The following PTPRD variants were observed in gnomAD, a reference collection of about 807,000 sequenced individuals.
PTPRD encodes protein tyrosine phosphatase receptor type D.
In PTPRD, 34 loss-of-function variants were observed where a neutral mutation model predicts 214.5. The ratio of observed to expected loss-of-function variants is 0.16; its 90% CI spans 0.12 to 0.21. PTPRD has a LOEUF of 0.21. Ranked by LOEUF, PTPRD falls within the 10% of genes least tolerant of loss-of-function variation. The pLI is 1.00. For missense variants in PTPRD, 2,545 were observed against 2,398.7 expected (o/e 1.06, Z -1.27); for synonymous variants, 1,128 against 845.7 (o/e 1.33, Z -5.79).
intron 11 of PTPRD, among the ~76,000 whole-genome samples, chr9:8,796,179 A>G (rs1332732378): frequency 6.6e-6 from 1 of 152,214 alleles, no homozygotes. Context: ...CTGCATGTTT[A>G]AAAACATATA....
At chr9:9,441,390 G>C (rs1438962040) in intron 8 of PTPRD, among the ~76,000 whole-genome samples, 2 of 152,136 alleles carry the variant, frequency 1.3e-5, no homozygotes, top group African/African-American at 4.8e-5. Context: ...TAAACTGCTA[G>C]ACAAAAGAAA....
rs556741132 is a variant in PTPRD, at chr9:9,858,191, A to C, written c.-368+80316T>G. On this transcript the variant is annotated intron_variant, in intron 5 of 45. Coordinates refer to ENST00000381196, the MANE Select transcript of PTPRD (RefSeq NM_002839.4). ...ATGATAAATCTTTTTCATCATTAAA[A>C]TACGGATTATTTCATGATGCTCTGG... Among the ~76,000 whole-genome samples the C allele has an allele frequency of 1.4e-4, 21 of 152,348 alleles. No homozygotes were observed. The South Asian group carries it at 4.1e-3, about 30-fold the overall frequency.
chr9:8,719,509 G>C (rs1170940933), intron 12 of PTPRD, among the ~76,000 whole-genome samples: 1 of 152,222 alleles, frequency 6.6e-6, no homozygotes, highest in African/African-American at 2.4e-5. Flanking sequence ...ACTTTCTCCT[G>C]TCTGATGAGG....
intron 27 of PTPRD, among the ~76,000 whole-genome samples, chr9:8,490,672 A>G (rs1465750994): frequency 6.6e-6 from 1 of 152,188 alleles, no homozygotes; most frequent in Non-Finnish European, 1.5e-5. Context: ...GAAAATACAA[A>G]TATTTCATAA....
At chr9:10,272,416 T>A (rs2094471368) in intron 3 of PTPRD, among the ~76,000 whole-genome samples, 2 of 152,232 alleles carry the variant, frequency 1.3e-5, no homozygotes. Context: ...AACATTTACG[T>A]ACAAATTTTG....
At chr9:9,544,283 C>T (rs1247201815) in intron 8 of PTPRD, among the ~76,000 whole-genome samples, 1 of 151,628 alleles carries the variant, frequency 6.6e-6, no homozygotes, top group East Asian at 1.9e-4. Context: ...ATTTCTGCGA[C>T]ATTTTAATTA....
chr9:9,168,969 A>T (rs530257228), intron 10 of PTPRD, among the ~76,000 whole-genome samples: 1 of 151,836 alleles, frequency 6.6e-6, no homozygotes, highest in Non-Finnish European at 1.5e-5. Context: ...ATTTGGATAT[A>T]TACTTTTTAT....
At chr9:9,195,156 A>C (rs1481509053) in intron 9 of PTPRD, among the ~76,000 whole-genome samples, 1 of 151,248 alleles carries the variant, frequency 6.6e-6, no homozygotes, top group Non-Finnish European at 1.5e-5. Context: ...CTTTTAAAAC[A>C]AACAAATTGT....
chr9:8,628,618 A>C (rs947069052), intron 14 of PTPRD, among the ~76,000 whole-genome samples: 4 of 151,496 alleles, frequency 2.6e-5, no homozygotes, highest in African/African-American at 9.7e-5. Flanking sequence ...TCAGGCCAAA[A>C]AAAAAAAAAA....
At chr9:9,639,623 T>C (rs2095873436) in intron 7 of PTPRD, among the ~76,000 whole-genome samples, 1 of 152,198 alleles carries the variant, frequency 6.6e-6, no homozygotes, top group Non-Finnish European at 1.5e-5. Context: ...ATAAATAAAA[T>C]TGTATATGAG....
intron 5 of PTPRD, among the ~76,000 whole-genome samples, chr9:9,841,241 T>C (rs147273081): frequency 1.3e-5 from 2 of 152,098 alleles, no homozygotes; most frequent in Non-Finnish European, 2.9e-5. Flanking sequence ...GGGTACGTAA[T>C]GTACATATTG....
intron 5 of PTPRD, among the ~76,000 whole-genome samples, chr9:9,915,912 C>T (rs998244434): frequency 3.3e-5 from 5 of 151,784 alleles, no homozygotes; most frequent in Admixed American, 6.6e-5. Flanking sequence ...TACTCCAAGG[C>T]GCATTATAGT....
At chr9:10,598,545 C>T (rs1011361359) in intron 2 of PTPRD, among the ~76,000 whole-genome samples, 3 of 151,744 alleles carry the variant, frequency 2.0e-5, no homozygotes, top group Non-Finnish European at 2.9e-5. Context: ...CTGGACTGGA[C>T]GTTGTCACCT....
intron 3 of PTPRD, among the ~76,000 whole-genome samples, chr9:10,289,525 G>T (rs904359808): frequency 1.3e-5 from 2 of 152,076 alleles, no homozygotes; most frequent in Non-Finnish European, 2.9e-5. Context: ...AAATCTGAAA[G>T]ATGAGTGAAA....
chr9:9,617,534 T>A (rs530022029), intron 7 of PTPRD, among the ~76,000 whole-genome samples: 15 of 152,176 alleles, frequency 9.9e-5, no homozygotes, highest in Non-Finnish European at 1.9e-4. Flanking sequence ...TGAGTCCTGA[T>A]GGCTGAGCAG....
intron 5 of PTPRD, among the ~76,000 whole-genome samples, chr9:9,937,985 T>C (rs569532530): frequency 6.6e-6 from 1 of 152,278 alleles, no homozygotes; most frequent in East Asian, 1.9e-4. Flanking sequence ...TCTTACCTCT[T>C]GTAATTTTAA....
intron 7 of PTPRD, among the ~76,000 whole-genome samples, chr9:9,594,890 AAAC>A (rs2093131353): frequency 2.0e-5 from 3 of 151,858 alleles, no homozygotes; most frequent in Admixed American, 2.0e-4. Flanking sequence ...CAGCAAGAAA[AAAC>A]AAACAAACAA....
chr9:9,581,367 A>C (rs1358900867), intron 7 of PTPRD, among the ~76,000 whole-genome samples: 1 of 152,178 alleles, frequency 6.6e-6, no homozygotes, highest in African/African-American at 2.4e-5. Context: ...AGGTTATCAG[A>C]AACACTTTCT....
intron 10 of PTPRD, among the ~76,000 whole-genome samples, chr9:9,109,723 C>T (rs548152795): frequency 6.6e-6 from 1 of 152,130 alleles, no homozygotes; most frequent in East Asian, 1.9e-4. Context: ...TGGATGATAT[C>T]TTTCTAATAT....
Sources: allele counts gnomAD v4.1 joint callset (sites outside exome capture counted in the v4.1 genomes callset), GRCh38; gene constraint gnomAD v4.1.1; transcripts MANE v1.5; gene names NCBI Gene and HGNC (gene_info 2026-07-23, HGNC 2026-07-21).